Variants in GAS2 observed in about 807,000 individuals in gnomAD.
GAS2 encodes growth arrest specific 2, also known as growth arrest-specific protein 2.
A neutral mutation model predicts 37.5 loss-of-function variants in GAS2; 20 were observed. The observed-to-expected ratio is 0.53, with a 90% CI of 0.37 to 0.77. GAS2 has a LOEUF of 0.77. GAS2 is among the 30% of genes least tolerant of loss of function. The probability of loss-of-function intolerance (pLI) is 0.00; values close to 1 mark genes in which losing one functional copy is unlikely to be tolerated. For missense variants in GAS2, 336 were observed against 373.4 expected, an observed-to-expected ratio of 0.90 and a Z score of 0.82; for synonymous variants, 144 against 132.2, an observed-to-expected ratio of 1.09 and a Z score of -0.61.
intron 5 of GAS2, among the ~76,000 whole-genome samples, chr11:22,746,069 C>G (rs1489467363): frequency 6.6e-6 from 1 of 152,146 alleles, no homozygotes; most frequent in East Asian, 1.9e-4. Context: ...GTAGTCCCAG[C>G]TACTCAGAGG....
Position 22,695,255 on chromosome 11 carries a change from G to A in GAS2, c.267+9466G>A, listed in dbSNP as rs534687795. 5.0e-4 allele frequency among the ~76,000 whole-genome samples: 76 copies of A among 152,212 alleles called. No individual in the cohort carries two copies. In the South Asian group the frequency reaches 5.2e-3, roughly 10 times the overall value. ...GAATCACTTGAACCTGGGAGGCGGA[G>A]GTTGCAGTTAGCCAAGATCACGCCA... On this transcript the variant is annotated intron_variant, in intron 3 of 7. Coordinates refer to ENST00000454584, the MANE Select transcript of GAS2 (RefSeq NM_001143830.3).
rs1224943480 is a variant in GAS2, at chr11:22,788,260, A to T, written c.724-23538A>T. On this transcript the variant is annotated intron_variant, in intron 7 of 7. Coordinates refer to ENST00000454584, the MANE Select transcript of GAS2 (RefSeq NM_001143830.3). ...AGAAATTATCACTGAGATTTAGAAT[A>T]TGAAGAAAATATGTTTTTCTTCCTT... Among the ~76,000 whole-genome samples the T allele has an allele frequency of 7.2e-5, 11 of 152,358 alleles. No homozygotes were observed. In the South Asian group the frequency reaches 2.3e-3, roughly 32 times the overall value.
chr11:22,650,105 C>G lies in GAS2; in HGVS notation c.-21+24292C>G, dbSNP rs1382255478. 2.6e-5 allele frequency among the ~76,000 whole-genome samples: 4 copies of G among 152,050 alleles called. No individual in the cohort carries two copies. In the South Asian group the frequency reaches 6.3e-4, roughly 24 times the overall value. On this transcript the variant is annotated intron_variant, in intron 1 of 5. Transcript: ENST00000528582. ...CTGCTTTGAATGGGTCCCAGAGATT[C>G]TGGTATGTTGTGTCTTTTTTCTCGT...
At chr11:22,758,182 GT>G (rs1854154430) in intron 7 of GAS2, among the ~76,000 whole-genome samples, 1 of 152,156 alleles carries the variant, frequency 6.6e-6, no homozygotes, top group African/African-American at 2.4e-5. Context: ...CACTGCTAAT[GT>G]TTTAACTATA....
At chr11:22,710,078 G>A (rs1472695489) in intron 3 of GAS2, among the ~76,000 whole-genome samples, 1 of 151,548 alleles carries the variant, frequency 6.6e-6, no homozygotes, top group Admixed American at 6.6e-5. Flanking sequence ...TGAGTTAATG[G>A]GTGCAGCACA....
chr11:22,748,241 A>G (rs950614407), intron 5 of GAS2, among the ~76,000 whole-genome samples: 2 of 152,030 alleles, frequency 1.3e-5, no homozygotes, highest in African/African-American at 4.8e-5. Flanking sequence ...TGCTAGTTAT[A>G]TATTTTCTCT....
At chr11:22,634,372 C>T (rs1858791179) in intron 1 of GAS2, among the ~76,000 whole-genome samples, 1 of 152,140 alleles carries the variant, frequency 6.6e-6, no homozygotes, top group Non-Finnish European at 1.5e-5. Context: ...CACAACCAAA[C>T]CATATCAGGA....
At chr11:22,636,892 A>C (rs916718319) in intron 1 of GAS2, among the ~76,000 whole-genome samples, 23 of 143,414 alleles carry the variant, frequency 1.6e-4, no homozygotes, top group Non-Finnish European at 3.3e-4. Flanking sequence ...TATATTACCT[A>C]TTTATATTAT....
intron 7 of GAS2, among the ~76,000 whole-genome samples, chr11:22,789,281 C>CATATAT (rs1210684540): frequency 6.8e-4 from 75 of 109,862 alleles, no homozygotes; most frequent in East Asian, 3.5e-3. Context: ...GCCTAGATTT[C>CATATAT]ATATATATAT....
chr11:22,766,497 C>T (rs997381099), intron 7 of GAS2, among the ~76,000 whole-genome samples: 3 of 152,098 alleles, frequency 2.0e-5, no homozygotes, highest in Non-Finnish European at 2.9e-5. Context: ...CTTTTAAAAT[C>T]CATTAGTAAT....
At chr11:22,805,392 T>A (rs1856838260) in intron 7 of GAS2, among the ~76,000 whole-genome samples, 1 of 152,238 alleles carries the variant, frequency 6.6e-6, no homozygotes, top group East Asian at 1.9e-4. Flanking sequence ...TCCACTCTTT[T>A]TGCATTTTTT....
At chr11:22,649,411 T>C (rs1398555436) in intron 1 of GAS2, among the ~76,000 whole-genome samples, 9 of 152,212 alleles carry the variant, frequency 5.9e-5, no homozygotes, top group Admixed American at 5.2e-4. Flanking sequence ...GGCTTTGGTA[T>C]CAGGATGATG....
intron 4 of GAS2, among the ~76,000 whole-genome samples, chr11:22,733,850 CTTTA>C (rs1304658899): frequency 2.0e-5 from 3 of 151,712 alleles, no homozygotes; most frequent in Admixed American, 6.6e-5. Context: ...CTAGAGAGCT[CTTTA>C]TTTGTTTTGA....
In GAS2 at chr11:22,693,419, T is replaced by C. The variant is rs144714052; in HGVS notation, c.267+7630T>C. ...TAATCTTCCCACTGTTTCCAAGTCA[T>C]GTCAATCTTTTTTTACTGATTTTCA... is the stretch of plus-strand genomic sequence containing the variant. On this transcript the variant is annotated intron_variant, in intron 3 of 7. Transcript: ENST00000454584. 2.5e-4 allele frequency among the ~76,000 whole-genome samples: 38 copies of C among 152,312 alleles called. No homozygotes were observed. In the East Asian group the frequency reaches 6.9e-3, roughly 28 times the overall value.
chr11:22,633,499 AT>A (rs1858773649), intron 1 of GAS2, among the ~76,000 whole-genome samples: 2 of 152,136 alleles, frequency 1.3e-5, no homozygotes, highest in African/African-American at 2.4e-5. Context: ...TCATTAATTA[AT>A]TTATTTATTT....
Position 22,749,980 on chromosome 11 carries a change from T to C in GAS2, c.615+719T>C, listed in dbSNP as rs141193384. Among the ~76,000 whole-genome samples, 529 of 152,192 alleles carry C rather than the reference T, an allele frequency of 3.5e-3. 2 individuals are homozygous for C. The highest frequency in any genetic ancestry group is 0.012 in the African/African-American group (491 of 41,548). The stretch of plus-strand genomic sequence containing the variant: ...GAAAAGTAGTGTGCTTGAGTATGTG[T>C]GTGCATATGCCCTCCACATATATTT... On this transcript the variant is annotated intron_variant, in intron 6 of 7. Coordinates refer to ENST00000454584, the MANE Select transcript of GAS2 (RefSeq NM_001143830.3).
chr11:22,637,264 T>A (rs368054492), intron 1 of GAS2, among the ~76,000 whole-genome samples: 6 of 34,184 alleles, frequency 1.8e-4, no homozygotes, highest in Non-Finnish European at 2.2e-4. Flanking sequence ...TACTAATATA[T>A]TAATTATATT....
At chr11:22,780,083 T>A (rs1218156097) in intron 7 of GAS2, among the ~76,000 whole-genome samples, 1 of 152,232 alleles carries the variant, frequency 6.6e-6, no homozygotes, top group African/African-American at 2.4e-5. Flanking sequence ...ACGAGTTGCT[T>A]AATATTTATT....
intron 3 of GAS2, among the ~76,000 whole-genome samples, chr11:22,709,807 T>G (rs1851306041): frequency 6.6e-6 from 1 of 152,160 alleles, no homozygotes; most frequent in Non-Finnish European, 1.5e-5. Context: ...GTGGCACATA[T>G]ACACCATGGA....
Sources: allele counts gnomAD v4.1 joint callset (sites outside exome capture counted in the v4.1 genomes callset), GRCh38; gene constraint gnomAD v4.1.1; transcripts MANE v1.5; gene names NCBI Gene and HGNC (gene_info 2026-07-23, HGNC 2026-07-21).